PEDS1: variants seen among roughly 807,000 people sequenced by gnomAD.
PEDS1 encodes plasmanylethanolamine desaturase 1, also known as CarF homolog.
PEDS1 carries 14 observed loss-of-function variants against 35.2 expected under a neutral mutation model. The ratio of observed to expected loss-of-function variants is 0.40; its 90% CI spans 0.26 to 0.62. The LOEUF is 0.62. Among genes scored for constraint, PEDS1 ranks in the 20% least tolerant of loss-of-function variants. The probability of loss-of-function intolerance (pLI) is 0.44; values close to 1 mark genes in which losing one functional copy is unlikely to be tolerated. For missense variants in PEDS1, 260 were observed against 367.8 expected (o/e 0.71, Z 2.40); for synonymous variants, 152 against 152.0 (o/e 1.00, Z 0.00).
At chr20:50,143,929 C>A (rs1422565866) in intron 1 of PEDS1, among the ~76,000 whole-genome samples, 1 of 152,104 alleles carries the variant, frequency 6.6e-6, no homozygotes, top group Non-Finnish European at 1.5e-5. Flanking sequence ...GAACTCCTGA[C>A]CTTGTGATCC....
chr20:50,144,051 T>TAA (rs1235216285), intron 1 of PEDS1, among the ~76,000 whole-genome samples: 1 of 152,170 alleles, frequency 6.6e-6, no homozygotes, highest in Admixed American at 6.5e-5. Context: ...AAGCTGAGCT[T>TAA]ACAGACTCCC....
chr20:50,144,968 C>T (rs1335314537), intron 1 of PEDS1, among the ~76,000 whole-genome samples: 5 of 151,966 alleles, frequency 3.3e-5, no homozygotes, highest in Admixed American at 1.3e-4. Context: ...TTTGGGAGGC[C>T]GAGGCAGGAG....
chr20:50,124,512 G>A lies in PEDS1; in HGVS notation c.*546C>T, dbSNP rs1262084211. 4 of 153,504 alleles carry A rather than the reference G, an allele frequency of 2.6e-5. No homozygotes were observed. Among genetic ancestry groups the A allele is most frequent in the Non-Finnish European group, 4.4e-5 (3 of 68,954 alleles). The allele number at this position is 153,504 out of a possible 1,614,324, so 9.5% of individuals were successfully genotyped here. On this transcript the variant is annotated 3_prime_UTR_variant, in exon 6 of 6. Coordinates refer to ENST00000371652, the MANE Select transcript of PEDS1 (RefSeq NM_199129.4). ...CAGGAGGTTCCAGCCTCTTCTGGCC[G>A]GCTACCCTCAGACCCCTGCTGAGCT...
chr20:50,151,226 G>A, intron 1 of PEDS1: 2 of 1,304,070 alleles, frequency 1.5e-6, no homozygotes, highest in Non-Finnish European at 1.0e-6. Context: ...AGGTCTGGAG[G>A]AGATAAAGGG....
At chr20:50,142,501 G>C (rs2081300929) in intron 2 of PEDS1, among the ~76,000 whole-genome samples, 1 of 152,208 alleles carries the variant, frequency 6.6e-6, no homozygotes, top group African/African-American at 2.4e-5. Flanking sequence ...GCTGTGGCGT[G>C]ATCTTGGCTC....
At chr20:50,138,747 TC>T (rs2081261527) in intron 2 of PEDS1, among the ~76,000 whole-genome samples, 1 of 152,214 alleles carries the variant, frequency 6.6e-6, no homozygotes. Flanking sequence ...CACAGAAGCC[TC>T]TTTGTCCCAG....
At chr20:50,147,012 C>G (rs986734455) in intron 1 of PEDS1, among the ~76,000 whole-genome samples, 1 of 152,090 alleles carries the variant, frequency 6.6e-6, no homozygotes, top group Non-Finnish European at 1.5e-5. Flanking sequence ...CACGGAGAGG[C>G]GGTGAGAAGG....
chr20:50,147,012 C>A (rs986734455), intron 1 of PEDS1, among the ~76,000 whole-genome samples: 1 of 152,090 alleles, frequency 6.6e-6, no homozygotes, highest in African/African-American at 2.4e-5. Flanking sequence ...CACGGAGAGG[C>A]GGTGAGAAGG....
intron 1 of PEDS1, among the ~76,000 whole-genome samples, chr20:50,150,411 C>T (rs2081390905): frequency 6.6e-6 from 1 of 152,204 alleles, no homozygotes; most frequent in African/African-American, 2.4e-5. Flanking sequence ...ACCTCAGGGT[C>T]TCTGCATTTG....
Position 50,153,599 on chromosome 20 carries a change from C to A in PEDS1, c.39G>T (p.Glu13Asp), listed in dbSNP as rs1303641577. The change falls in exon 1 of 6, where the codon GAG becomes GAT. Residue 13 changes from glutamate to aspartate, a missense_variant. Coordinates refer to ENST00000371652, the MANE Select transcript of PEDS1 (RefSeq NM_199129.4). ...GAENWPGQQL[E>D]LDEDEASCCR... ...AACAAGACGCCTCGTCCTCGTCCAG[C>A]TCCAGCTGCTGGCCCGGCCAGTTCT... 7.1e-7 allele frequency: 1 copy of A among 1,409,820 alleles called. No homozygotes were observed. Among genetic ancestry groups the A allele is most frequent in the Non-Finnish European group, 9.3e-7 (1 of 1,074,178 alleles). The allele number at this position is 1,409,820 out of a possible 1,614,324, so 87.3% of individuals were successfully genotyped here.
chr20:50,147,983 G>A lies in PEDS1; in HGVS notation c.122-4362C>T, dbSNP rs187487699. ...TGCACCTGTAATCTCCTAGCTACTC[G>A]GGAGGCTGAGGCAGGAGAATCACGT... is the stretch of plus-strand genomic sequence containing the variant. On this transcript the variant is annotated intron_variant, in intron 1 of 5. Coordinates refer to ENST00000371652, the MANE Select transcript of PEDS1 (RefSeq NM_199129.4). 4.2e-3 allele frequency among the ~76,000 whole-genome samples: 641 copies of A among 152,268 alleles called. 2 individuals carry two copies. Among genetic ancestry groups the A allele is most frequent in the African/African-American group, 9.7e-3 (401 of 41,548 alleles).
At chr20:50,130,249 A>T (rs1162449568) in intron 3 of PEDS1, among the ~76,000 whole-genome samples, 1 of 152,196 alleles carries the variant, frequency 6.6e-6, no homozygotes, top group Admixed American at 6.5e-5. Context: ...GTTGGCGGAA[A>T]CTACAGGGAA....
chr20:50,143,625 C>T lies in PEDS1; in HGVS notation c.122-4G>A. 1 of 1,613,938 alleles carries T rather than the reference C, an allele frequency of 6.2e-7. No individual in the cohort carries two copies. The highest frequency in any genetic ancestry group is 8.5e-7 in the Non-Finnish European group (1 of 1,179,930). On this transcript the variant is annotated splice_region_variant and splice_polypyrimidine_tract_variant and intron_variant, in intron 1 of 5. Transcript: ENST00000371652. The stretch of plus-strand genomic sequence containing the variant: ...CACCACTCCTGGAGGCGCTTGCCTG[C>T]AGGGAGCAGAGGCGAGAGGTAAAGG...
In PEDS1 at chr20:50,123,265, GTTC is replaced by G. The variant is rs1222684788; in HGVS notation, c.*1790_*1792del. The G allele has an allele frequency of 2.0e-5, 3 of 149,834 alleles. No homozygotes were observed. The highest frequency in any genetic ancestry group is 4.4e-5 in the Non-Finnish European group (3 of 67,688). 9.3% of individuals were successfully genotyped at this position (149,834 alleles called of 1,614,324 possible). On this transcript the variant is annotated 3_prime_UTR_variant, in exon 6 of 6. Transcript: ENST00000371652. Reference sequence around the variant, plus strand: ...CACCATCTCTTAAAATCCCAAGCTTGTTCTTTTTTTTTTTTTCTAAGCGAAGTC... The same window carrying G: ...CACCATCTCTTAAAATCCCAAGCTTGTTTTTTTTTTTTTCTAAGCGAAGTC...
intron 1 of PEDS1, among the ~76,000 whole-genome samples, chr20:50,149,050 T>C (rs923026575): frequency 1.3e-5 from 2 of 151,900 alleles, no homozygotes; most frequent in Non-Finnish European, 2.9e-5. Context: ...AAGTTTTGGG[T>C]TGCAGTGAGC....
rs1341704214 is a variant in PEDS1, at chr20:50,121,420, C to T, written c.*3638G>A. 6.6e-6 allele frequency: 1 copy of T among 152,456 alleles called. No individual in the cohort carries two copies. Among genetic ancestry groups the T allele is most frequent in the African/African-American group, 2.4e-5 (1 of 41,452 alleles). The allele number at this position is 152,456 out of a possible 1,614,324, so 9.4% of individuals were successfully genotyped here. On this transcript the variant is annotated 3_prime_UTR_variant, in exon 6 of 6. Transcript: ENST00000371652. ...GTGTGACCTTGGGCATATTACATGACCTCTGTGCCTCAGTTTCCCCATCTG... is the reference window on the plus strand; with the variant it reads ...GTGTGACCTTGGGCATATTACATGATCTCTGTGCCTCAGTTTCCCCATCTG...
rs1265808811 is a variant in PEDS1 at position 50,129,173 on chromosome 20, T to C, written c.478+373A>G. On this transcript the variant is annotated intron_variant, in intron 4 of 5. Coordinates refer to ENST00000371652, the MANE Select transcript of PEDS1 (RefSeq NM_199129.4). The surrounding 1 kb of genome is among the most constrained non-coding windows in gnomAD (Gnocchi z 4.2). ...CTAGACATTTTCCACTAGGCCACGG[T>C]AGCAAAACCCCAGAAGCCCTGCCAG... Among the ~76,000 whole-genome samples the C allele has an allele frequency of 6.6e-6, 1 of 152,164 alleles. No homozygotes were observed. Among genetic ancestry groups the C allele is most frequent in the Non-Finnish European group, 1.5e-5 (1 of 68,032 alleles).
At chr20:50,127,340 G>GTTTTTTTT (rs11471254) in intron 5 of PEDS1, among the ~76,000 whole-genome samples, 11 of 87,186 alleles carry the variant, frequency 1.3e-4, no homozygotes, top group Admixed American at 3.3e-4. Context: ...GTGTTTTCTG[G>GTTTTTTTT]TTTTTTTTTT....
In PEDS1 at chr20:50,153,552, G is replaced by A. The variant is rs775423005; in HGVS notation, c.86C>T (p.Ala29Val). The A allele has an allele frequency of 1.6e-5, 23 of 1,433,844 alleles. No individual in the cohort carries two copies. The South Asian group carries it at 1.9e-4, about 12-fold the overall frequency. The allele number at this position is 1,433,844 out of a possible 1,614,324, so 88.8% of individuals were successfully genotyped here. ...ASCCRWGAQH[A>V]GARELAALYS... is the part of the protein sequence containing the mutation. Reference sequence around the variant, plus strand: ...GAGCGCAGCCAGCTCGCGGGCCCCGGCGTGCTGCGCGCCCCAGCGGCAACA... The same window carrying A: ...GAGCGCAGCCAGCTCGCGGGCCCCGACGTGCTGCGCGCCCCAGCGGCAACA... The change falls in exon 1 of 6, where the codon GCC becomes GTC. Residue 29 changes from alanine (A) to valine (V), a missense_variant. This residue lies in a region of PEDS1 where 114 missense variants were observed against 121.6 expected (regional missense o/e 0.94). Transcript: ENST00000371652.
Sources: gnomAD v4.1 joint callset for allele counts (sites outside exome capture counted in the v4.1 genomes callset) on GRCh38, gnomAD v4.1.1 for gene constraint, gnomAD v4.1.1 regional missense constraint, Gnocchi (gnomAD v3.1) non-coding constraint, MANE v1.5 for transcripts, NCBI Gene and HGNC (gene_info 2026-07-23, HGNC 2026-07-21) for gene names.